DYNC2H1: variants seen among roughly 807,000 people sequenced by gnomAD.
The protein encoded by DYNC2H1 is cytoplasmic dynein 2 heavy chain 1.
DYNC2H1 carries 410 observed loss-of-function variants against 570.0 expected under a neutral mutation model. The ratio of observed to expected loss-of-function variants is 0.72; its 90% CI spans 0.66 to 0.78. The LOEUF (loss-of-function observed/expected upper bound fraction) is 0.78. Ranked by LOEUF, DYNC2H1 falls within the 30% of genes least tolerant of loss-of-function variation. The probability of loss-of-function intolerance (pLI) is 0.00; values close to 1 mark genes in which losing one functional copy is unlikely to be tolerated. For missense variants in DYNC2H1, 4,865 were observed against 5,046.4 expected, an observed-to-expected ratio of 0.96 and a Z score of 1.09; for synonymous variants, 1,688 against 1,677.6, an observed-to-expected ratio of 1.01 and a Z score of -0.15.
rs763299267 is a variant in DYNC2H1 at position 103,177,528 on chromosome 11, A to G, written c.5875-28A>G. 13 of 1,578,178 alleles carry G rather than the reference A, an allele frequency of 8.2e-6. No individual in the cohort carries two copies. In the South Asian group the frequency reaches 1.2e-4, roughly 14 times the overall value. On this transcript the variant is annotated intron_variant, in intron 37 of 88. Transcript: ENST00000375735. The surrounding 1 kb of genome is among the most constrained non-coding windows in gnomAD (Gnocchi z 4.4). ...TAAGTATGATTGAATATTATAAATCATATATGAACATATTTCTTTCCTACT... is the reference window on the plus strand; with the variant it reads ...TAAGTATGATTGAATATTATAAATCGTATATGAACATATTTCTTTCCTACT...
chr11:103,412,037 A>G (rs1254802046), intron 84 of DYNC2H1, among the ~76,000 whole-genome samples: 1 of 152,260 alleles, frequency 6.6e-6, no homozygotes, highest in African/African-American at 2.4e-5. Context: ...GACTAGTCTG[A>G]CTTTCACTAA....
At chr11:103,193,522 CT>C (rs1565384386) in intron 47 of DYNC2H1, among the ~76,000 whole-genome samples, 1 of 151,638 alleles carries the variant, frequency 6.6e-6, no homozygotes, top group East Asian at 1.9e-4. Context: ...GAAAGGTTTT[CT>C]TTTTCTTTTC....
At chr11:103,329,642 T>C (rs564840722) in intron 82 of DYNC2H1, among the ~76,000 whole-genome samples, 3 of 152,280 alleles carry the variant, frequency 2.0e-5, no homozygotes, top group Admixed American at 6.5e-5. Flanking sequence ...TTCTGTACTC[T>C]CTTACAGGAT....
At position 103,181,725 on chromosome 11, in the gene DYNC2H1, A is replaced by C. The variant is rs779433191; in HGVS notation, c.6348-32A>C. On this transcript the variant is annotated intron_variant, in intron 39 of 88. Transcript: ENST00000375735. The surrounding 1 kb of genome is among the most constrained non-coding windows in gnomAD (Gnocchi z 5.0). ...TAATGTAAATTGATAATTTCTTCCT[A>C]AGTAATTTTTTATTTGTCTAAACTG... is the stretch of plus-strand genomic sequence containing the variant. 7.3e-6 allele frequency: 11 copies of C among 1,501,312 alleles called. No individual in the cohort carries two copies. The African/African-American group carries it at 8.5e-5, about 12-fold the overall frequency. The allele number at this position is 1,501,312 out of a possible 1,614,324, so 93.0% of individuals were successfully genotyped here.
At position 103,189,559 on chromosome 11, in the gene DYNC2H1, A is replaced by G. The variant is rs994271876; in HGVS notation, c.7293-113A>G. On this transcript the variant is annotated intron_variant, in intron 44 of 88. Coordinates refer to ENST00000375735, the MANE Select transcript of DYNC2H1 (RefSeq NM_001377.3). This position sits in a 1 kb window ranked among gnomAD's most constrained non-coding sequence, Gnocchi z 4.3. Reference sequence around the variant, plus strand: ...AGCCCCCTGGGTAAGCTTTGGAGATATGTAGGTCTTAGAGCAGCACAGTTT... The same window carrying G: ...AGCCCCCTGGGTAAGCTTTGGAGATGTGTAGGTCTTAGAGCAGCACAGTTT... 6.0e-6 allele frequency: 6 copies of G among 996,022 alleles called. No individual in the cohort carries two copies. Among genetic ancestry groups the G allele is most frequent in the Non-Finnish European group, 7.4e-6 (5 of 675,548 alleles). The allele number at this position is 996,022 out of a possible 1,614,324, so 61.7% of individuals were successfully genotyped here. A position where few individuals can be genotyped will look rare whatever the true frequency, so the allele number is the denominator to read the frequency against.
chr11:103,269,413 C>T (rs946592200), intron 70 of DYNC2H1, among the ~76,000 whole-genome samples: 7 of 152,092 alleles, frequency 4.6e-5, no homozygotes, highest in Non-Finnish European at 4.4e-5. Context: ...TAGCAGTCAG[C>T]GTAACATTAA....
chr11:103,134,775 T>C (rs1269000772), intron 15 of DYNC2H1, among the ~76,000 whole-genome samples: 1 of 152,102 alleles, frequency 6.6e-6, no homozygotes, highest in Non-Finnish European at 1.5e-5. Context: ...ATCCTAATGA[T>C]TGGAATAATT....
At chr11:103,150,150 G>A (rs982628753) in intron 20 of DYNC2H1, among the ~76,000 whole-genome samples, 2 of 152,192 alleles carry the variant, frequency 1.3e-5, no homozygotes, top group East Asian at 1.9e-4. Context: ...GCCAGATTAC[G>A]AAGATGCTTT....
At chr11:103,271,152 C>T (rs1310325010) in intron 70 of DYNC2H1, among the ~76,000 whole-genome samples, 2 of 152,068 alleles carry the variant, frequency 1.3e-5, no homozygotes, top group Non-Finnish European at 2.9e-5. Flanking sequence ...TTGGATTCTG[C>T]TATTTTTTCT....
chr11:103,477,894 T>C (rs1591814707), intron 88 of DYNC2H1, among the ~76,000 whole-genome samples: 1 of 136,644 alleles, frequency 7.3e-6, no homozygotes, highest in African/African-American at 2.7e-5. Flanking sequence ...TGGTCTCTAA[T>C]ACCATTTCTC....
chr11:103,215,064 T>G (rs1191692948), intron 54 of DYNC2H1, among the ~76,000 whole-genome samples: 1 of 152,088 alleles, frequency 6.6e-6, no homozygotes, highest in Non-Finnish European at 1.5e-5. Flanking sequence ...AGTCTTTAGG[T>G]TTTTCTAGAT....
chr11:103,365,285 C>T (rs1366080804), intron 83 of DYNC2H1, among the ~76,000 whole-genome samples: 3 of 151,598 alleles, frequency 2.0e-5, no homozygotes, highest in African/African-American at 7.3e-5. Flanking sequence ...CACTTGAACC[C>T]GGGAGGCGGA....
chr11:103,112,000 G>C (rs1858138497), intron 1 of DYNC2H1, among the ~76,000 whole-genome samples: 1 of 152,186 alleles, frequency 6.6e-6, no homozygotes, highest in Non-Finnish European at 1.5e-5. Flanking sequence ...TTTGGGTATT[G>C]ATAAGTGCCG....
chr11:103,109,712 C>G lies in DYNC2H1; in HGVS notation c.138C>G (p.Gly46=). ...AAATCAACAACTTCTTGGATGACGG[C>G]AACCAGATGCTCCTCAGGGTGCAGC... ...CLEINNFLDD[G]NQMLLRVQRS... Residue 46 remains glycine, a synonymous_variant, in exon 1 of 89, where the codon GGC becomes GGG. Coordinates refer to ENST00000375735, the MANE Select transcript of DYNC2H1 (RefSeq NM_001377.3). The G allele has an allele frequency of 6.2e-7, 1 of 1,613,960 alleles. No homozygotes were observed. Among genetic ancestry groups the G allele is most frequent in the Non-Finnish European group, 8.5e-7 (1 of 1,179,882 alleles).
At chr11:103,457,101 A>G (rs1944813920) in intron 87 of DYNC2H1, among the ~76,000 whole-genome samples, 1 of 152,198 alleles carries the variant, frequency 6.6e-6, no homozygotes, top group African/African-American at 2.4e-5. Context: ...TCTTTTGTTC[A>G]TTGTAACATT....
At chr11:103,125,637 C>A (rs1858958846) in intron 12 of DYNC2H1, among the ~76,000 whole-genome samples, 1 of 152,092 alleles carries the variant, frequency 6.6e-6, no homozygotes, top group Non-Finnish European at 1.5e-5. Flanking sequence ...AAAGAATTAT[C>A]AGGTTGATGA....
At chr11:103,284,474 T>C (rs1866270143) in intron 73 of DYNC2H1, among the ~76,000 whole-genome samples, 1 of 152,146 alleles carries the variant, frequency 6.6e-6, no homozygotes, top group African/African-American at 2.4e-5. Flanking sequence ...TATCAAATAA[T>C]TACCTTGTCA....
intron 52 of DYNC2H1, among the ~76,000 whole-genome samples, chr11:103,206,388 A>T (rs1442322475): frequency 6.6e-6 from 1 of 152,154 alleles, no homozygotes; most frequent in Non-Finnish European, 1.5e-5. Context: ...GGCATTTGGA[A>T]ATATAAGCCT....
In DYNC2H1 at chr11:103,186,587, T is replaced by G; in HGVS notation, c.6893+86T>G. 6.8e-7 allele frequency: 1 copy of G among 1,475,226 alleles called. No homozygotes were observed. The highest frequency in any genetic ancestry group is 1.4e-5 in the South Asian group (1 of 73,364). 91.4% of individuals were successfully genotyped at this position (1,475,226 alleles called of 1,614,324 possible). A position where few individuals can be genotyped will look rare whatever the true frequency, so the allele number is the denominator to read the frequency against. ...TTAATGGCTTTTGTTATGTTTCTTT[T>G]GGTTAAAGTAGCATTTACATTTTCA... On this transcript the variant is annotated intron_variant, in intron 42 of 88. Coordinates refer to ENST00000375735, the MANE Select transcript of DYNC2H1 (RefSeq NM_001377.3). The surrounding 1 kb of genome is among the most constrained non-coding windows in gnomAD (Gnocchi z 4.5).
Sources: allele counts gnomAD v4.1 joint callset (sites outside exome capture counted in the v4.1 genomes callset), GRCh38; gene constraint gnomAD v4.1.1; non-coding constraint Gnocchi (gnomAD v3.1); transcripts MANE v1.5; gene names NCBI Gene and HGNC (gene_info 2026-07-23, HGNC 2026-07-21).